Variants in EWSR1 observed in about 807,000 individuals in gnomAD.
EWSR1 encodes RNA-binding protein EWS.
Under a neutral mutation model 92.1 loss-of-function variants are expected in EWSR1, and 14 were observed. The ratio of observed to expected loss-of-function variants is 0.15; its 90% CI spans 0.10 to 0.24. The LOEUF (loss-of-function observed/expected upper bound fraction) is 0.24. Ranked by LOEUF, EWSR1 falls within the 10% of genes least tolerant of loss-of-function variation. The probability of loss-of-function intolerance (pLI) is 1.00; values close to 1 mark genes in which losing one functional copy is unlikely to be tolerated. For synonymous variants in EWSR1, 303 were observed against 292.9 expected, an observed-to-expected ratio of 1.03 and a Z score of -0.35; for missense variants, 637 against 870.9, an observed-to-expected ratio of 0.73 and a Z score of 3.38.
intron 8 of EWSR1, chr22:29,290,178 A>G: frequency 4.9e-6 from 2 of 409,256 alleles, no homozygotes; most frequent in Non-Finnish European, 8.9e-6. Flanking sequence ...GGCTTTCCCC[A>G]TAGGTTTTTC....
chr22:29,291,748 GT>G lies in EWSR1; in HGVS notation c.1012+151del, dbSNP rs1304247422. 70 of 696,098 alleles carry G rather than the reference GT, an allele frequency of 1.0e-4. No homozygotes were observed. In the African/African-American group the frequency reaches 1.1e-3, roughly 11 times the overall value. The allele number at this position is 696,098 out of a possible 1,614,324, so 43.1% of individuals were successfully genotyped here. A position where few individuals can be genotyped will look rare whatever the true frequency, so the allele number is the denominator to read the frequency against. On this transcript the variant is annotated intron_variant, in intron 9 of 16. Transcript: ENST00000397938. The stretch of plus-strand genomic sequence containing the variant: ...GGGTACTGCCGGCATTGTCTTAGGG[GT>G]TAATAAGGTTAACCTATGGTTACAA...
chr22:29,283,014 G>A (rs1048163871), intron 6 of EWSR1, among the ~76,000 whole-genome samples: 7 of 152,088 alleles, frequency 4.6e-5, no homozygotes, highest in South Asian at 2.1e-4. Flanking sequence ...CACCCATCTC[G>A]GCCTCCCACA....
chr22:29,282,164 T>C (rs1438673716), intron 5 of EWSR1, among the ~76,000 whole-genome samples: 1 of 152,204 alleles, frequency 6.6e-6, no homozygotes, highest in Admixed American at 6.5e-5. Context: ...ATATGATTGA[T>C]TCTCCCCCTT....
At chr22:29,274,283 G>A (rs2058932029) in intron 4 of EWSR1, 3 of 1,613,824 alleles carry the variant, frequency 1.9e-6, no homozygotes, top group Non-Finnish European at 8.5e-7. Context: ...ACCAGTACAG[G>A]TTTGACTATC....
At position 29,279,795 on chromosome 22, in the gene EWSR1, G is replaced by C. The variant is rs1026109961; in HGVS notation, c.413+1579G>C. Among the ~76,000 whole-genome samples the C allele has an allele frequency of 3.3e-5, 5 of 152,204 alleles. No homozygotes were observed. The South Asian group carries it at 8.3e-4, about 25-fold the overall frequency. ...CTTTGCAGTAGCTAAGTTAAACTTAGTGGCTTATTCCTGAAAGGCCTCATT... is the reference window on the plus strand; with the variant it reads ...CTTTGCAGTAGCTAAGTTAAACTTACTGGCTTATTCCTGAAAGGCCTCATT... On this transcript the variant is annotated intron_variant, in intron 5 of 16. Coordinates refer to ENST00000397938, the MANE Select transcript of EWSR1 (RefSeq NM_005243.4).
At position 29,299,229 on chromosome 22, in the gene EWSR1, T is replaced by C. The variant is rs1393316256; in HGVS notation, c.1581-5T>C. The C allele has an allele frequency of 1.9e-6, 3 of 1,613,966 alleles. No homozygotes were observed. Among genetic ancestry groups the C allele is most frequent in the Non-Finnish European group, 8.5e-7 (1 of 1,179,960 alleles). ...TGATTTCTGCTGTGATGTAATTGTA[T>C]GCAGGGGTTGTGGAAACCAGAACTT... is the stretch of plus-strand genomic sequence containing the variant. On this transcript the variant is annotated splice_region_variant and splice_polypyrimidine_tract_variant and intron_variant, in intron 14 of 16. Coordinates refer to ENST00000397938, the MANE Select transcript of EWSR1 (RefSeq NM_005243.4).
intron 12 of EWSR1, among the ~76,000 whole-genome samples, chr22:29,296,583 AAAGT>A (rs2060879158): frequency 6.6e-6 from 1 of 152,228 alleles, no homozygotes; most frequent in Non-Finnish European, 1.5e-5. Context: ...AACCTTGCTT[AAAGT>A]GGCAAACACT....
At chr22:29,283,198 A>T (rs1418008062) in intron 6 of EWSR1, among the ~76,000 whole-genome samples, 2 of 152,240 alleles carry the variant, frequency 1.3e-5, no homozygotes, top group Non-Finnish European at 2.9e-5. Context: ...TAGATGTAAG[A>T]GCCATCTTCC....
At chr22:29,296,080 A>G (rs1229749852) in intron 11 of EWSR1, 159 bp from the exon 12 acceptor site, 1 of 761,794 alleles carries the variant, frequency 1.3e-6, no homozygotes, top group East Asian at 2.8e-5. Context: ...TAGAGGAGAA[A>G]ATAACTTAGA....
At chr22:29,268,562 CG>C (rs1457661861) in intron 1 of EWSR1, among the ~76,000 whole-genome samples, 9 of 152,254 alleles carry the variant, frequency 5.9e-5, no homozygotes, top group East Asian at 3.9e-4. Flanking sequence ...CCGTGGCGCG[CG>C]GGGGGCTTGC....
At chr22:29,278,546 G>A (rs5763125) in intron 5 of EWSR1, among the ~76,000 whole-genome samples, 151,709 of 151,768 alleles carry the variant, frequency 1, 75,825 homozygotes, top group Middle Eastern at 1. Context: ...AAATACCGGG[G>A]GGGCGCAGTG....
intron 14 of EWSR1, 31 bp from the exon 15 acceptor site, chr22:29,299,200 TTGG>T (rs1352866534): frequency 6.2e-7 from 1 of 1,613,834 alleles, no homozygotes; most frequent in Non-Finnish European, 8.5e-7. Flanking sequence ...CTTAGTTCAA[TTGG>T]TGATTTCTGC....
chr22:29,292,454 G>A (rs1434073954), intron 10 of EWSR1, 34 bp from the exon 11 acceptor site: 1 of 1,406,966 alleles, frequency 7.1e-7, no homozygotes, highest in African/African-American at 1.4e-5. Flanking sequence ...ATAGATACAT[G>A]ATAATAATTC....
intron 7 of EWSR1, 151 bp downstream of exon 7, chr22:29,287,285 T>G (rs768351298): frequency 1.2e-5 from 9 of 752,490 alleles, no homozygotes; most frequent in African/African-American, 3.5e-5. Flanking sequence ...CTCAGCTCAC[T>G]GCAGCCTCCG....
intron 12 of EWSR1, among the ~76,000 whole-genome samples, chr22:29,297,551 G>A (rs548046437): frequency 2.6e-5 from 4 of 152,158 alleles, no homozygotes; most frequent in East Asian, 1.9e-4. Context: ...AAAATTAGTC[G>A]GGCATGGTGA....
At position 29,296,141 on chromosome 22, in the gene EWSR1, C is replaced by T. The variant is rs72549218; in HGVS notation, c.1165-98C>T. 7.5e-6 allele frequency: 9 copies of T among 1,199,116 alleles called. No individual in the cohort carries two copies. In the African/African-American group the frequency reaches 9.2e-5, roughly 12 times the overall value. 74.3% of individuals were successfully genotyped at this position (1,199,116 alleles called of 1,614,324 possible). A position where few individuals can be genotyped will look rare whatever the true frequency, so the allele number is the denominator to read the frequency against. ...AACGGTGACATTTAGTGACTTACTACATGTGAGAAATTGGTACTTTTCCTG... is the reference window on the plus strand; with the variant it reads ...AACGGTGACATTTAGTGACTTACTATATGTGAGAAATTGGTACTTTTCCTG... On this transcript the variant is annotated intron_variant, in intron 11 of 16. Transcript: ENST00000397938.
chr22:29,289,838 G>A (rs2060315619), intron 8 of EWSR1: 2 of 231,296 alleles, frequency 8.6e-6, no homozygotes, highest in Non-Finnish European at 1.7e-5. Context: ...AGTCTTTAGT[G>A]AAATCTTTAT....
chr22:29,292,284 A>G, intron 10 of EWSR1, 115 bp downstream of exon 10: 1 of 1,213,910 alleles, frequency 8.2e-7, no homozygotes, highest in South Asian at 1.2e-5. Context: ...TCTTGCTGTC[A>G]AGGACAGTTT....
intron 8 of EWSR1, chr22:29,290,466 C>G: frequency 2.5e-6 from 4 of 1,613,534 alleles, no homozygotes; most frequent in Non-Finnish European, 3.4e-6. Context: ...TACCCGTACT[C>G]AGTACTCAGC....
Sources: gnomAD v4.1 joint callset for allele counts (sites outside exome capture counted in the v4.1 genomes callset) on GRCh38, gnomAD v4.1.1 for gene constraint, MANE v1.5 for transcripts, NCBI Gene and HGNC (gene_info 2026-07-23, HGNC 2026-07-21) for gene names.